ELAPOR2: variants seen among roughly 807,000 people sequenced by gnomAD.
The protein encoded by ELAPOR2 is endosome/lysosome-associated apoptosis and autophagy regulator family member 2.
Under a neutral mutation model 120.7 loss-of-function variants are expected in ELAPOR2, and 89 were observed. The observed-to-expected ratio is 0.74, with a 90% CI of 0.62 to 0.88. ELAPOR2 has a LOEUF of 0.88. ELAPOR2 is among the 40% of genes least tolerant of loss of function. ELAPOR2 has a pLI of 0.00. For synonymous variants in ELAPOR2, 444 were observed against 444.9 expected, an observed-to-expected ratio of 1.00 and a Z score of 0.03; for missense variants, 1,134 against 1,251.6, an observed-to-expected ratio of 0.91 and a Z score of 1.42.
At chr7:86,910,507 G>A (rs1789250592) in intron 15 of ELAPOR2, among the ~76,000 whole-genome samples, 1 of 152,016 alleles carries the variant, frequency 6.6e-6, no homozygotes, top group African/African-American at 2.4e-5. Context: ...AATAACACCT[G>A]AATTCTAAAT....
chr7:87,047,875 C>T lies in ELAPOR2; in HGVS notation c.189+11450G>A, dbSNP rs142146584. Among the ~76,000 whole-genome samples, 259 of 152,254 alleles carry T rather than the reference C, an allele frequency of 1.7e-3. 1 individual carries two copies. The highest frequency in any genetic ancestry group is 5.6e-3 in the African/African-American group (234 of 41,540). The stretch of plus-strand genomic sequence containing the variant: ...TATCAAAGAGATATCTGCATTGTGA[C>T]GTTTGTTGCACAACTGTTCACAATA... On this transcript the variant is annotated intron_variant, in intron 1 of 21. Transcript: ENST00000450689.
intron 1 of ELAPOR2, among the ~76,000 whole-genome samples, chr7:86,975,445 A>G (rs1332668720): frequency 6.6e-6 from 1 of 152,242 alleles, no homozygotes; most frequent in Non-Finnish European, 1.5e-5. Flanking sequence ...TTAAAAAATA[A>G]TAATGTAACC....
At chr7:86,962,445 T>A (rs1337421462) in intron 2 of ELAPOR2, among the ~76,000 whole-genome samples, 2 of 152,230 alleles carry the variant, frequency 1.3e-5, no homozygotes, top group African/African-American at 2.4e-5. Flanking sequence ...GTTCTACTAC[T>A]TAATTTTCTT....
chr7:86,949,359 T>C (rs1396541400), intron 2 of ELAPOR2, among the ~76,000 whole-genome samples: 1 of 152,178 alleles, frequency 6.6e-6, no homozygotes, highest in African/African-American at 2.4e-5. Flanking sequence ...GCTATACTGA[T>C]GGCAGCAGCA....
chr7:86,926,895 T>A lies in ELAPOR2; in HGVS notation c.1111A>T (p.Ile371Leu). ...EGKTQIMYKW[I>L]EPKICREDLT... Reference sequence around the variant, plus strand: ...TCCTCCCGGCAGATTTTGGGCTCTATCCACTTGTACATTATCTGTGTCTAC... The same window carrying A: ...TCCTCCCGGCAGATTTTGGGCTCTAACCACTTGTACATTATCTGTGTCTAC... Residue 371 changes from isoleucine to leucine, a missense_variant, in exon 9 of 22, where the codon ATA becomes TTA. Coordinates refer to ENST00000450689, the MANE Select transcript of ELAPOR2 (RefSeq NM_001142749.3). The A allele has an allele frequency of 1.5e-6, 2 of 1,355,450 alleles. No individual in the cohort carries two copies. The highest frequency in any genetic ancestry group is 2.5e-5 in the South Asian group (2 of 79,980). The allele number at this position is 1,355,450 out of a possible 1,614,324, so 84.0% of individuals were successfully genotyped here. A position where few individuals can be genotyped will look rare whatever the true frequency, so the allele number is the denominator to read the frequency against.
intron 1 of ELAPOR2, among the ~76,000 whole-genome samples, chr7:87,039,877 G>A (rs1250059291): frequency 2.0e-5 from 3 of 152,154 alleles, no homozygotes; most frequent in African/African-American, 7.2e-5. Flanking sequence ...TCTCACTAGG[G>A]AGTGCCAGAC....
intron 1 of ELAPOR2, among the ~76,000 whole-genome samples, chr7:87,021,477 G>A (rs1034459839): frequency 3.3e-5 from 5 of 151,968 alleles, no homozygotes; most frequent in African/African-American, 9.7e-5. Context: ...ATATCATAAG[G>A]AAACAATATA....
At chr7:86,966,341 G>A (rs184421868) in intron 1 of ELAPOR2, among the ~76,000 whole-genome samples, 148 of 151,954 alleles carry the variant, frequency 9.7e-4, no homozygotes, top group Non-Finnish European at 1.9e-3. Flanking sequence ...CTTTTCTTTC[G>A]GGGCCCTCAC....
At chr7:86,930,081 C>G (rs1790261268) in intron 8 of ELAPOR2, among the ~76,000 whole-genome samples, 2 of 151,956 alleles carry the variant, frequency 1.3e-5, no homozygotes, top group Non-Finnish European at 2.9e-5. Flanking sequence ...AAATACTTAA[C>G]AGCTTTGACC....
chr7:86,984,190 C>T (rs1438060208), intron 1 of ELAPOR2, among the ~76,000 whole-genome samples: 1 of 152,046 alleles, frequency 6.6e-6, no homozygotes, highest in African/African-American at 2.4e-5. Context: ...TAAAGCAAGT[C>T]CTTAGAAACT....
intron 1 of ELAPOR2, among the ~76,000 whole-genome samples, chr7:87,034,039 G>A (rs1794501951): frequency 6.6e-6 from 1 of 152,148 alleles, no homozygotes; most frequent in South Asian, 2.1e-4. Context: ...ATCAAAATAG[G>A]GGAGTAAGTT....
chr7:87,019,692 G>C (rs1405422935), intron 1 of ELAPOR2, among the ~76,000 whole-genome samples: 1 of 152,164 alleles, frequency 6.6e-6, no homozygotes, highest in African/African-American at 2.4e-5. Flanking sequence ...ATTGCTGGTA[G>C]TATGTAAATC....
intron 1 of ELAPOR2, among the ~76,000 whole-genome samples, chr7:87,025,688 T>C (rs1399577245): frequency 2.0e-5 from 3 of 152,156 alleles, no homozygotes; most frequent in South Asian, 2.1e-4. Flanking sequence ...TTCAAGCTAC[T>C]GTAAATTAAG....
At chr7:87,001,757 C>T (rs1779752074) in intron 1 of ELAPOR2, among the ~76,000 whole-genome samples, 1 of 152,148 alleles carries the variant, frequency 6.6e-6, no homozygotes, top group African/African-American at 2.4e-5. Flanking sequence ...GATGCCTCTA[C>T]AGAGAACAGC....
chr7:86,977,326 T>C (rs1296319890), intron 1 of ELAPOR2, among the ~76,000 whole-genome samples: 1 of 152,220 alleles, frequency 6.6e-6, no homozygotes, highest in Non-Finnish European at 1.5e-5. Flanking sequence ...ATGACCATTA[T>C]AGTTCCCGTC....
intron 15 of ELAPOR2, 45 bp from the exon 16 acceptor site, chr7:86,910,046 T>G (rs1789226404): frequency 6.9e-7 from 1 of 1,455,200 alleles, no homozygotes; most frequent in African/African-American, 1.4e-5. Flanking sequence ...TGGATGTCAA[T>G]CTCTAAACTT....
chr7:86,986,512 C>CA (rs1261625357), intron 1 of ELAPOR2, among the ~76,000 whole-genome samples: 2 of 147,280 alleles, frequency 1.4e-5, no homozygotes, highest in Non-Finnish European at 3.0e-5. Context: ...TCTCAGGATA[C>CA]AAAATCAACG....
In ELAPOR2 at chr7:86,944,886, C is replaced by A; in HGVS notation, c.654+13G>T. 1 of 1,528,558 alleles carries A rather than the reference C, an allele frequency of 6.5e-7. No individual in the cohort carries two copies. The highest frequency in any genetic ancestry group is 8.8e-7 in the Non-Finnish European group (1 of 1,140,006). 94.7% of individuals were successfully genotyped at this position (1,528,558 alleles called of 1,614,324 possible). A position where few individuals can be genotyped will look rare whatever the true frequency, so the allele number is the denominator to read the frequency against. ...CCCTTAAAAAGTAAATTCCAGAATA[C>A]AAAAGGTCTTACAAAGAACTCAAAG... On this transcript the variant is annotated intron_variant, in intron 4 of 21. Coordinates refer to ENST00000450689, the MANE Select transcript of ELAPOR2 (RefSeq NM_001142749.3).
intron 1 of ELAPOR2, among the ~76,000 whole-genome samples, chr7:87,022,525 G>C (rs990287568): frequency 6.6e-6 from 1 of 152,020 alleles, no homozygotes; most frequent in South Asian, 2.1e-4. Flanking sequence ...ATTGTGAGTA[G>C]TGCCCCAATA....
Sources: gnomAD v4.1 joint callset for allele counts (sites outside exome capture counted in the v4.1 genomes callset) on GRCh38, gnomAD v4.1.1 for gene constraint, MANE v1.5 for transcripts, NCBI Gene and HGNC (gene_info 2026-07-23, HGNC 2026-07-21) for gene names.